Variants in NAV3 observed in about 807,000 individuals in gnomAD.
NAV3 encodes pore membrane and/or filament interacting like protein 1.
In NAV3, 87 loss-of-function variants were observed where a neutral mutation model predicts 244.7. The ratio of observed to expected loss-of-function variants is 0.36; its 90% CI spans 0.30 to 0.42. The LOEUF is 0.42. Among genes scored for constraint, NAV3 ranks in the 20% least tolerant of loss-of-function variants. The probability of loss-of-function intolerance (pLI) is 1.00; values close to 1 mark genes in which losing one functional copy is unlikely to be tolerated. For synonymous variants in NAV3, 1,126 were observed against 1,042.2 expected (o/e 1.08, Z -1.55); for missense variants, 2,663 against 2,893.3 (o/e 0.92, Z 1.83).
At chr12:77,926,151 G>GTT (rs1291021564) in intron 1 of NAV3, among the ~76,000 whole-genome samples, 1 of 152,086 alleles carries the variant, frequency 6.6e-6, no homozygotes, top group Non-Finnish European at 1.5e-5. Context: ...CAGGCAGAGT[G>GTT]TTCTCTCTCA....
chr12:78,163,874 G>GA (rs1171116600), intron 23 of NAV3, among the ~76,000 whole-genome samples: 2 of 152,046 alleles, frequency 1.3e-5, no homozygotes, highest in Non-Finnish European at 2.9e-5. Flanking sequence ...AGGATTATAT[G>GA]AAAAAAATTA....
At chr12:77,968,054 G>A (rs1028469337) in intron 4 of NAV3, among the ~76,000 whole-genome samples, 3 of 152,146 alleles carry the variant, frequency 2.0e-5, no homozygotes, top group African/African-American at 2.4e-5. Context: ...GTTGGTATTA[G>A]GAGGTGCACC....
At chr12:78,112,636 A>G (rs1021284425) in intron 12 of NAV3, among the ~76,000 whole-genome samples, 1 of 152,264 alleles carries the variant, frequency 6.6e-6, no homozygotes, top group Non-Finnish European at 1.5e-5. Context: ...CCATGACTCA[A>G]TTACTTCCCA....
chr12:77,694,570 A>G (rs1565775394), intron 2 of NAV3, among the ~76,000 whole-genome samples: 3 of 151,594 alleles, frequency 2.0e-5, no homozygotes, highest in African/African-American at 2.4e-5. Flanking sequence ...CAGACCGTGT[A>G]TAACAGATGA....
intron 1 of NAV3, among the ~76,000 whole-genome samples, chr12:77,866,289 C>T (rs1342893296): frequency 2.0e-5 from 3 of 152,150 alleles, no homozygotes; most frequent in Non-Finnish European, 2.9e-5. Context: ...ATACATTAGT[C>T]TTAAGGTTTA....
At chr12:78,085,913 C>T (rs1034300310) in intron 12 of NAV3, among the ~76,000 whole-genome samples, 2 of 152,084 alleles carry the variant, frequency 1.3e-5, no homozygotes, top group African/African-American at 4.8e-5. Flanking sequence ...CATCCAGACT[C>T]ATTCAGCAGT....
chr12:78,025,614 A>AAG (rs1314113762), intron 9 of NAV3, among the ~76,000 whole-genome samples: 1 of 147,852 alleles, frequency 6.8e-6, no homozygotes, highest in East Asian at 2.3e-4. Flanking sequence ...AAAAAAAAAA[A>AAG]AAAAAAAAAG....
intron 2 of NAV3, among the ~76,000 whole-genome samples, chr12:77,772,537 A>G (rs1870146793): frequency 1.3e-5 from 2 of 152,202 alleles, no homozygotes; most frequent in Non-Finnish European, 2.9e-5. Flanking sequence ...GACTTCACTG[A>G]GCAAAACTAG....
chr12:78,159,105 G>T, intron 22 of NAV3, 98 bp from the exon 23 acceptor site: 2 of 900,002 alleles, frequency 2.2e-6, no homozygotes, highest in Non-Finnish European at 3.5e-6. Flanking sequence ...TTAAAGAGTT[G>T]GAACACATGA....
At chr12:77,691,145 G>A (rs1477444393) in intron 2 of NAV3, among the ~76,000 whole-genome samples, 1 of 150,262 alleles carries the variant, frequency 6.7e-6, no homozygotes, top group East Asian at 1.9e-4. Context: ...TATAAGATGG[G>A]ATGTTGTTTC....
intron 30 of NAV3, among the ~76,000 whole-genome samples, chr12:78,182,808 T>TAAAAA (rs1277624122): frequency 6.6e-6 from 1 of 151,906 alleles, no homozygotes; most frequent in Non-Finnish European, 1.5e-5. Context: ...ATGTCTGAAC[T>TAAAAA]AAAAAAATTA....
In NAV3 at chr12:77,870,380, A is replaced by G. The variant is rs796946038; in HGVS notation, c.243+38676A>G. ...CTCCATCTCAAAAAAAAAAAAAAAA[A>G]GAAAAGTTTCTAATAATTGCTACAT... On this transcript the variant is annotated intron_variant, in intron 1 of 39. Coordinates refer to ENST00000397909, the MANE Select transcript of NAV3 (RefSeq NM_001024383.2). Among the ~76,000 whole-genome samples, 71 of 146,894 alleles carry G rather than the reference A, an allele frequency of 4.8e-4. 1 individual carries two copies. The highest frequency in any genetic ancestry group is 1.7e-3 in the African/African-American group (69 of 40,472).
intron 2 of NAV3, among the ~76,000 whole-genome samples, chr12:77,621,926 GAAT>G (rs1421689689): frequency 6.6e-6 from 1 of 152,100 alleles, no homozygotes; most frequent in Non-Finnish European, 1.5e-5. Context: ...AGAATCAGAG[GAAT>G]AATAAGTCTT....
intron 3 of NAV3, among the ~76,000 whole-genome samples, chr12:77,949,639 T>TATC (rs1211637696): frequency 3.9e-5 from 6 of 151,932 alleles, no homozygotes; most frequent in Admixed American, 3.3e-4. Context: ...CCTCCCCCAA[T>TATC]ATCATCATCA....
chr12:78,053,377 G>T (rs536597129), intron 11 of NAV3, among the ~76,000 whole-genome samples: 1 of 152,064 alleles, frequency 6.6e-6, no homozygotes, highest in South Asian at 2.1e-4. Flanking sequence ...ATTGCCCCTA[G>T]TAGAGATATA....
At chr12:77,724,189 A>G (rs1310374277) in intron 2 of NAV3, among the ~76,000 whole-genome samples, 6 of 151,938 alleles carry the variant, frequency 3.9e-5, no homozygotes, top group African/African-American at 1.2e-4. Flanking sequence ...TTCTATAAAA[A>G]TTGCATTTTT....
At chr12:78,196,031 C>G (rs951591857) in intron 34 of NAV3, among the ~76,000 whole-genome samples, 5 of 151,966 alleles carry the variant, frequency 3.3e-5, no homozygotes, top group African/African-American at 1.2e-4. Context: ...TGGTCTAAGG[C>G]TATGAACGCA....
chr12:78,175,882 AAAT>A (rs1207649099), intron 25 of NAV3, among the ~76,000 whole-genome samples: 2 of 151,440 alleles, frequency 1.3e-5, no homozygotes, highest in East Asian at 3.9e-4. Context: ...AAAAGTGAAA[AAAT>A]GATGATGATG....
intron 6 of NAV3, among the ~76,000 whole-genome samples, chr12:77,995,986 C>T (rs1381915109): frequency 1.3e-5 from 2 of 152,080 alleles, no homozygotes; most frequent in Non-Finnish European, 2.9e-5. Context: ...AAGGCCTGCT[C>T]TGCCTGCCTG....
Sources: allele counts gnomAD v4.1 joint callset (sites outside exome capture counted in the v4.1 genomes callset), GRCh38; gene constraint gnomAD v4.1.1; transcripts MANE v1.5; gene names NCBI Gene and HGNC (gene_info 2026-07-23, HGNC 2026-07-21).